The following DPF3 variants were observed in gnomAD, a reference collection of about 807,000 sequenced individuals.
DPF3 encodes double PHD fingers 3, also known as zinc finger protein DPF3.
In DPF3, 18 loss-of-function variants were observed where a neutral mutation model predicts 56.8. The ratio of observed to expected loss-of-function variants is 0.32; its 90% CI spans 0.22 to 0.47. The LOEUF (loss-of-function observed/expected upper bound fraction) is 0.47. Ranked by LOEUF, DPF3 falls within the 20% of genes least tolerant of loss-of-function variation. The pLI, the probability that DPF3 is intolerant of heterozygous loss-of-function variation, is 1.00. For missense variants in DPF3, 403 were observed against 488.8 expected, an observed-to-expected ratio of 0.82 and a Z score of 1.65; for synonymous variants, 188 against 180.2, an observed-to-expected ratio of 1.04 and a Z score of -0.35.
At chr14:72,795,288 A>AT (rs1892596944) in intron 1 of DPF3, among the ~76,000 whole-genome samples, 89 of 133,344 alleles carry the variant, frequency 6.7e-4, no homozygotes, top group Admixed American at 1.1e-3. Context: ...AAAAAAAAAA[A>AT]AAAAAAAATA....
intron 1 of DPF3, among the ~76,000 whole-genome samples, chr14:72,809,456 A>G (rs553589252): frequency 6.6e-6 from 1 of 152,312 alleles, no homozygotes; most frequent in South Asian, 2.1e-4. Flanking sequence ...GCACGGCCAC[A>G]CAAGCCACCC....
intron 1 of DPF3, chr14:72,892,287 A>G: frequency 6.5e-7 from 1 of 1,535,486 alleles, no homozygotes; most frequent in Non-Finnish European, 8.7e-7. Flanking sequence ...TTGCAGCGAA[A>G]GCAACCGGCA....
At chr14:72,817,986 C>T (rs934270028) in intron 1 of DPF3, among the ~76,000 whole-genome samples, 1 of 152,162 alleles carries the variant, frequency 6.6e-6, no homozygotes, top group African/African-American at 2.4e-5. Flanking sequence ...GCACGGTGGC[C>T]TGTAATCCCA....
chr14:72,841,994 G>A (rs181400640), intron 1 of DPF3, among the ~76,000 whole-genome samples: 41 of 151,982 alleles, frequency 2.7e-4, no homozygotes, highest in Admixed American at 7.9e-4. Flanking sequence ...GGCTGAGGTA[G>A]GAGGATCGCT....
intron 1 of DPF3, among the ~76,000 whole-genome samples, chr14:72,853,992 A>C (rs961324929): frequency 6.6e-6 from 1 of 152,208 alleles, no homozygotes; most frequent in African/African-American, 2.4e-5. Context: ...ATGACTTGAG[A>C]AACACCAGAA....
At chr14:72,620,018 A>C (rs1211608607) in intron 9 of DPF3, 34 bp from the exon 10 acceptor site, 2 of 1,504,832 alleles carry the variant, frequency 1.3e-6, no homozygotes, top group Non-Finnish European at 8.8e-7. Flanking sequence ...AGAGGAGGAG[A>C]GATTCCATTA....
intron 4 of DPF3, among the ~76,000 whole-genome samples, chr14:72,726,822 A>G (rs1022162467): frequency 1.3e-5 from 2 of 152,100 alleles, no homozygotes; most frequent in Admixed American, 6.5e-5. Context: ...CTTTATGGTG[A>G]TAACAGCGGT....
intron 1 of DPF3, among the ~76,000 whole-genome samples, chr14:72,793,972 T>G (rs951986908): frequency 1.3e-5 from 2 of 152,168 alleles, no homozygotes; most frequent in African/African-American, 4.8e-5. Flanking sequence ...CAGTAAACAT[T>G]AACATTCATC....
At chr14:72,633,601 C>A (rs1885286196) in intron 8 of DPF3, among the ~76,000 whole-genome samples, 1 of 152,166 alleles carries the variant, frequency 6.6e-6, no homozygotes, top group Admixed American at 6.5e-5. Flanking sequence ...GCCACAGGTT[C>A]TCTAGTTTGT....
chr14:72,642,870 G>C (rs1463271769), intron 8 of DPF3, among the ~76,000 whole-genome samples: 1 of 152,228 alleles, frequency 6.6e-6, no homozygotes, highest in African/African-American at 2.4e-5. Context: ...CCTGCAGCTA[G>C]TATTCTGGCC....
chr14:72,611,728 G>A lies in DPF3; in HGVS notation c.*7569C>T, dbSNP rs577152322. ...AATGCTGAGGATGCTGTCATCCAAG[G>A]GCATCCAGTGCTTGGAAAAGCAGAT... is the stretch of plus-strand genomic sequence containing the variant. On this transcript the variant is annotated 3_prime_UTR_variant, in exon 11 of 11. Transcript: ENST00000556509. Among the ~76,000 whole-genome samples the A allele has an allele frequency of 6.6e-5, 10 of 152,152 alleles. No individual in the cohort carries two copies. In the East Asian group the frequency reaches 1.9e-3, roughly 29 times the overall value.
chr14:72,763,638 G>GA (rs928800592), intron 2 of DPF3, among the ~76,000 whole-genome samples: 3 of 149,972 alleles, frequency 2.0e-5, no homozygotes, highest in East Asian at 2.0e-4. Flanking sequence ...AAAATTTTAG[G>GA]AAAAAAAAAT....
chr14:72,827,547 C>T (rs1413046238), intron 1 of DPF3, among the ~76,000 whole-genome samples: 1 of 131,522 alleles, frequency 7.6e-6, no homozygotes, highest in Admixed American at 8.9e-5. Context: ...ACAATCTCGG[C>T]TCACTGCAAC....
At chr14:72,674,859 C>G (rs1256051059) in intron 7 of DPF3, among the ~76,000 whole-genome samples, 1 of 152,240 alleles carries the variant, frequency 6.6e-6, no homozygotes, top group Non-Finnish European at 1.5e-5. Context: ...CAAAGAAGCA[C>G]TGATGGGAGG....
rs142391935 is a variant in DPF3 at position 72,683,809 on chromosome 14, G to A, written c.742+9267C>T. On this transcript the variant is annotated intron_variant, in intron 7 of 10. Coordinates refer to ENST00000556509, the MANE Select transcript of DPF3 (RefSeq NM_001280542.3). ...GCCTGAGATTCTACATGTCTTAAAA[G>A]CTCCCCTGGTAGGGTGGCCACGCAT... Among the ~76,000 whole-genome samples the A allele has an allele frequency of 1.1e-3, 161 of 152,232 alleles. 1 individual carries two copies. Among genetic ancestry groups the A allele is most frequent in the African/African-American group, 3.5e-3 (147 of 41,530 alleles).
rs1436996279 is a variant in DPF3 at position 72,822,928 on chromosome 14, T to C, written c.33-51035A>G. ...TCCAAAATCCAAAACTTTTTGAGCA[T>C]CAACATGACTCATGAAGATCTCACC... On this transcript the variant is annotated intron_variant, in intron 1 of 10. Coordinates refer to ENST00000556509, the MANE Select transcript of DPF3 (RefSeq NM_001280542.3). Among the ~76,000 whole-genome samples the C allele has an allele frequency of 2.0e-5, 3 of 152,220 alleles. No individual in the cohort carries two copies. In the South Asian group the frequency reaches 6.2e-4, roughly 31 times the overall value.
At chr14:72,843,004 C>T (rs1042967921) in intron 1 of DPF3, among the ~76,000 whole-genome samples, 4 of 152,130 alleles carry the variant, frequency 2.6e-5, no homozygotes, top group Admixed American at 1.3e-4. Flanking sequence ...ACCCGGGTGA[C>T]AGTGTGAGAC....
intron 2 of DPF3, among the ~76,000 whole-genome samples, chr14:72,768,026 T>G (rs1208837091): frequency 2.0e-5 from 3 of 152,162 alleles, no homozygotes; most frequent in East Asian, 3.8e-4. Context: ...AAAAGGACTA[T>G]CAACTCAGAA....
chr14:72,835,301 C>T (rs1216387962), intron 1 of DPF3, among the ~76,000 whole-genome samples: 13 of 152,228 alleles, frequency 8.5e-5, no homozygotes, highest in Admixed American at 5.9e-4. Flanking sequence ...CCCCTGACCT[C>T]GTGATCCTCC....
Sources: gnomAD v4.1 joint callset for allele counts (sites outside exome capture counted in the v4.1 genomes callset) on GRCh38, gnomAD v4.1.1 for gene constraint, MANE v1.5 for transcripts, NCBI Gene and HGNC (gene_info 2026-07-23, HGNC 2026-07-21) for gene names.